The following ST6GALNAC3 variants were observed in gnomAD, a reference collection of about 807,000 sequenced individuals.
ST6GALNAC3 encodes ST6 N-acetylgalactosaminide alpha-2,6-sialyltransferase 3.
Under a neutral mutation model 32.7 loss-of-function variants are expected in ST6GALNAC3, and 25 were observed. That is an observed-to-expected ratio of 0.76 (90% CI 0.56 to 1.07). The LOEUF is 1.07. ST6GALNAC3 is among the 50% of genes least tolerant of loss of function. ST6GALNAC3 has a pLI of 0.00. For synonymous variants in ST6GALNAC3, 129 were observed against 133.1 expected, an observed-to-expected ratio of 0.97 and a Z score of 0.21; for missense variants, 355 against 382.4, an observed-to-expected ratio of 0.93 and a Z score of 0.60.
At chr1:76,426,071 GC>G (rs1435217763) in intron 3 of ST6GALNAC3, among the ~76,000 whole-genome samples, 2 of 151,560 alleles carry the variant, frequency 1.3e-5, no homozygotes, top group African/African-American at 2.4e-5. Flanking sequence ...CATGACTTTT[GC>G]CCCATTTTCT....
At chr1:76,121,450 C>T (rs573225134) in intron 1 of ST6GALNAC3, among the ~76,000 whole-genome samples, 169 of 152,330 alleles carry the variant, frequency 1.1e-3, no homozygotes, top group African/African-American at 3.9e-3. Context: ...GGCATGGTGG[C>T]TCACGCCTGT....
chr1:76,195,127 G>A (rs1347760110), intron 1 of ST6GALNAC3, among the ~76,000 whole-genome samples: 1 of 152,138 alleles, frequency 6.6e-6, no homozygotes, highest in Non-Finnish European at 1.5e-5. Flanking sequence ...TACAAAATCC[G>A]AATTTTTGCT....
intron 2 of ST6GALNAC3, among the ~76,000 whole-genome samples, chr1:76,402,910 A>G (rs1653536993): frequency 6.6e-6 from 1 of 152,090 alleles, no homozygotes; most frequent in Admixed American, 6.6e-5. Flanking sequence ...CTCTTAAATT[A>G]TTGAGTCTTA....
intron 1 of ST6GALNAC3, among the ~76,000 whole-genome samples, chr1:76,116,661 T>C (rs1249900133): frequency 1.3e-5 from 2 of 151,844 alleles, no homozygotes; most frequent in Non-Finnish European, 2.9e-5. Flanking sequence ...CTGGGTGCGG[T>C]GGCTCACACC....
At chr1:76,378,382 C>T (rs1651410458) in intron 2 of ST6GALNAC3, among the ~76,000 whole-genome samples, 1 of 152,086 alleles carries the variant, frequency 6.6e-6, no homozygotes, top group Admixed American at 6.6e-5. Flanking sequence ...TTTTTTAAGG[C>T]TGAGCACGGT....
chr1:76,369,191 T>A (rs889552257), intron 2 of ST6GALNAC3, among the ~76,000 whole-genome samples: 1 of 152,090 alleles, frequency 6.6e-6, no homozygotes, highest in Non-Finnish European at 1.5e-5. Context: ...AATGTTGGGC[T>A]CAGTTCTTGG....
chr1:76,519,033 T>C (rs1255382857), intron 3 of ST6GALNAC3, among the ~76,000 whole-genome samples: 1 of 152,146 alleles, frequency 6.6e-6, no homozygotes, highest in African/African-American at 2.4e-5. Flanking sequence ...GCCACGAAAC[T>C]CTGTCTGGAA....
intron 1 of ST6GALNAC3, among the ~76,000 whole-genome samples, chr1:76,134,253 C>T (rs1164338879): frequency 6.6e-6 from 1 of 152,242 alleles, no homozygotes; most frequent in African/African-American, 2.4e-5. Flanking sequence ...TTCCCCTATA[C>T]ATTCTCCAGA....
intron 1 of ST6GALNAC3, among the ~76,000 whole-genome samples, chr1:76,158,969 G>C (rs434302): frequency 1.3e-5 from 2 of 151,952 alleles, no homozygotes; most frequent in Admixed American, 1.3e-4. Context: ...CAGGCCCTTC[G>C]TCATGTCATG....
At chr1:76,374,819 T>C (rs1651093967) in intron 2 of ST6GALNAC3, among the ~76,000 whole-genome samples, 1 of 152,194 alleles carries the variant, frequency 6.6e-6, no homozygotes, top group Non-Finnish European at 1.5e-5. Context: ...TCGTTGATTC[T>C]TTGGCAGAAA....
Position 76,509,050 on chromosome 1 carries a change from T to A in ST6GALNAC3, c.623+96633T>A, listed in dbSNP as rs1661665896. Among the ~76,000 whole-genome samples the A allele has an allele frequency of 6.6e-6, 1 of 152,192 alleles. No homozygotes were observed. Among genetic ancestry groups the A allele is most frequent in the African/African-American group, 2.4e-5 (1 of 41,442 alleles). ...ACATGAGTCTAAGAGTTGAACAGCT[T>A]GTCATTTTTCAACTCGTCGATAAAT... On this transcript the variant is annotated intron_variant, in intron 3 of 4. Transcript: ENST00000328299. The surrounding 1 kb of genome is among the most constrained non-coding windows in gnomAD (Gnocchi z 5.5).
chr1:76,177,622 A>G (rs1377436047), intron 1 of ST6GALNAC3, among the ~76,000 whole-genome samples: 1 of 152,056 alleles, frequency 6.6e-6, no homozygotes, highest in Non-Finnish European at 1.5e-5. Context: ...TGTTCTTAAG[A>G]CTCGGTGAAT....
chr1:76,093,426 C>T (rs1360992804), intron 1 of ST6GALNAC3, among the ~76,000 whole-genome samples: 2 of 152,186 alleles, frequency 1.3e-5, no homozygotes, highest in Non-Finnish European at 2.9e-5. Context: ...AACTGTTCCT[C>T]CATGATCTAT....
chr1:76,514,173 T>G (rs1162110727), intron 3 of ST6GALNAC3, among the ~76,000 whole-genome samples: 1 of 152,210 alleles, frequency 6.6e-6, no homozygotes, highest in South Asian at 2.1e-4. Context: ...CTAGTTGCTC[T>G]GGCAAGCACA....
At chr1:76,618,517 T>G (rs2100694196) in intron 3 of ST6GALNAC3, among the ~76,000 whole-genome samples, 1 of 152,304 alleles carries the variant, frequency 6.6e-6, no homozygotes. Flanking sequence ...AACAATACAA[T>G]TATCAATCGA....
intron 1 of ST6GALNAC3, among the ~76,000 whole-genome samples, chr1:76,086,838 T>C (rs1571115135): frequency 6.6e-6 from 1 of 152,326 alleles, no homozygotes; most frequent in Non-Finnish European, 1.5e-5. Context: ...ACCTTTGCCA[T>C]GGCCTGGAGG....
At chr1:76,599,871 A>G (rs1047376517) in intron 3 of ST6GALNAC3, among the ~76,000 whole-genome samples, 1 of 152,014 alleles carries the variant, frequency 6.6e-6, no homozygotes, top group African/African-American at 2.4e-5. Context: ...AATTTTCAGA[A>G]TATACAATTT....
chr1:76,120,835 T>C (rs1032310375), intron 1 of ST6GALNAC3, among the ~76,000 whole-genome samples: 1 of 152,166 alleles, frequency 6.6e-6, no homozygotes, highest in Non-Finnish European at 1.5e-5. Flanking sequence ...ACATAAAAGC[T>C]GTACAAATTT....
At chr1:76,404,554 G>A (rs980686868) in intron 2 of ST6GALNAC3, among the ~76,000 whole-genome samples, 17 of 151,974 alleles carry the variant, frequency 1.1e-4, no homozygotes, top group Non-Finnish European at 2.4e-4. Context: ...GAACATCAAG[G>A]AGAATAAAGG....
Sources: gnomAD v4.1 joint callset for allele counts (sites outside exome capture counted in the v4.1 genomes callset) on GRCh38, gnomAD v4.1.1 for gene constraint, Gnocchi (gnomAD v3.1) non-coding constraint, MANE v1.5 for transcripts, NCBI Gene and HGNC (gene_info 2026-07-23, HGNC 2026-07-21) for gene names.